The following KPNA1 variants were observed in gnomAD, a reference collection of about 807,000 sequenced individuals.
The protein encoded by KPNA1 is importin subunit alpha-5.
A neutral mutation model predicts 70.5 loss-of-function variants in KPNA1; 10 were observed. That is an observed-to-expected ratio of 0.14 (90% CI 0.09 to 0.24). KPNA1 has a LOEUF of 0.24. Ranked by LOEUF, KPNA1 falls within the 10% of genes least tolerant of loss-of-function variation. The pLI is 1.00. For missense variants in KPNA1, 397 were observed against 637.9 expected, an observed-to-expected ratio of 0.62 and a Z score of 4.07; for synonymous variants, 192 against 221.9, an observed-to-expected ratio of 0.87 and a Z score of 1.20.
rs534086940 is a variant in KPNA1 at position 122,503,929 on chromosome 3, G to A, written c.-5-7359C>T. 9.2e-5 allele frequency among the ~76,000 whole-genome samples: 14 copies of A among 152,274 alleles called. No individual in the cohort carries two copies. The East Asian group carries it at 1.2e-3, about 13-fold the overall frequency. ...GAAACAAACAAACAAAAAACCCAGT[G>A]GCTGCTGGGTGTTTTGGGGGAAGGC... On this transcript the variant is annotated intron_variant, in intron 1 of 13. Transcript: ENST00000344337.
chr3:122,456,055 G>A (rs1052739840), intron 5 of KPNA1, among the ~76,000 whole-genome samples: 15 of 152,050 alleles, frequency 9.9e-5, no homozygotes, highest in Admixed American at 1.3e-4. Flanking sequence ...AATACATTAC[G>A]AAGCCCAGTC....
rs764980993 is a variant in KPNA1, at chr3:122,489,285, G to GT, written c.129+7151dup. ...CTTTTTATACCTTTTTACTTTGTTTGTTTTTTTTTGTTTGTTTTTTTTTTA... is the reference window on the plus strand; with the variant it reads ...CTTTTTATACCTTTTTACTTTGTTTGTTTTTTTTTTGTTTGTTTTTTTTTTA... On this transcript the variant is annotated intron_variant, in intron 2 of 13. Coordinates refer to ENST00000344337, the MANE Select transcript of KPNA1 (RefSeq NM_002264.4). 3.3e-3 allele frequency among the ~76,000 whole-genome samples: 358 copies of GT among 109,524 alleles called. 1 individual carries two copies. Among genetic ancestry groups the GT allele is most frequent in the Non-Finnish European group, 5.1e-3 (235 of 46,386 alleles). 71.9% of individuals were successfully genotyped at this position (109,524 alleles called of 152,430 possible).
intron 2 of KPNA1, among the ~76,000 whole-genome samples, chr3:122,480,125 A>G (rs2076553655): frequency 6.6e-6 from 1 of 152,198 alleles, no homozygotes; most frequent in Non-Finnish European, 1.5e-5. Flanking sequence ...AAAACTATGG[A>G]GACAGTAAAA....
Position 122,424,106 on chromosome 3 carries a change from T to C in KPNA1, c.*2879A>G, listed in dbSNP as rs528019072. 6.6e-6 allele frequency: 1 copy of C among 152,258 alleles called. No individual in the cohort carries two copies. The highest frequency in any genetic ancestry group is 1.9e-4 in the East Asian group (1 of 5,182). The allele number at this position is 152,258 out of a possible 1,614,324, so 9.4% of individuals were successfully genotyped here. Reference sequence around the variant, plus strand: ...ACATCCAAAATTCTCTTAATGCTTTTTTTCCCCCACCAAAGTTCTCATTAC... The same window carrying C: ...ACATCCAAAATTCTCTTAATGCTTTCTTTCCCCCACCAAAGTTCTCATTAC... On this transcript the variant is annotated 3_prime_UTR_variant, in exon 14 of 14. Coordinates refer to ENST00000344337, the MANE Select transcript of KPNA1 (RefSeq NM_002264.4).
chr3:122,502,779 A>G (rs1308800496), intron 1 of KPNA1, among the ~76,000 whole-genome samples: 1 of 152,216 alleles, frequency 6.6e-6, no homozygotes, highest in Admixed American at 6.5e-5. Context: ...GCTATGAAAT[A>G]TCACAATATG....
intron 10 of KPNA1, among the ~76,000 whole-genome samples, chr3:122,441,720 C>A (rs571884504): frequency 1.3e-4 from 20 of 152,224 alleles, no homozygotes; most frequent in African/African-American, 4.8e-4. Context: ...TCTACCTCAG[C>A]CTCCAAGTAG....
chr3:122,457,644 C>T, intron 5 of KPNA1: 2 of 1,166,542 alleles, frequency 1.7e-6, no homozygotes, highest in South Asian at 1.5e-5. Context: ...TGTTTTCTCT[C>T]TTCCCTTTCT....
At chr3:122,457,872 G>A (rs2076280804) in intron 5 of KPNA1, 4 of 1,285,988 alleles carry the variant, frequency 3.1e-6, no homozygotes, top group Non-Finnish European at 4.0e-6. Flanking sequence ...GAAAAGAAAG[G>A]CTCACATCAG....
At chr3:122,492,198 G>C (rs963905737) in intron 2 of KPNA1, among the ~76,000 whole-genome samples, 1 of 152,112 alleles carries the variant, frequency 6.6e-6, no homozygotes, top group African/African-American at 2.4e-5. Context: ...TTCCAATCCT[G>C]CTCTGCAAAA....
chr3:122,427,306 A>T, intron 13 of KPNA1, 134 bp from the exon 14 acceptor site: 1 of 772,788 alleles, frequency 1.3e-6, no homozygotes, highest in Non-Finnish European at 2.0e-6. Flanking sequence ...TTTGTATCTC[A>T]TAAGTATTTT....
chr3:122,441,937 T>C, intron 10 of KPNA1, 101 bp downstream of exon 10: 1 of 931,306 alleles, frequency 1.1e-6, no homozygotes, highest in Non-Finnish European at 1.7e-6. Context: ...GAGTATCAAG[T>C]TTCCCTAATA....
chr3:122,491,505 T>C (rs970866502), intron 2 of KPNA1, among the ~76,000 whole-genome samples: 15 of 152,238 alleles, frequency 9.9e-5, no homozygotes, highest in African/African-American at 3.6e-4. Context: ...AAGGGCAAAC[T>C]GACAAACATG....
chr3:122,484,432 A>T (rs746612375), intron 2 of KPNA1, among the ~76,000 whole-genome samples: 12 of 152,142 alleles, frequency 7.9e-5, no homozygotes, highest in Non-Finnish European at 1.6e-4. Flanking sequence ...AGGCCGAGGC[A>T]GGCAGATCAC....
intron 2 of KPNA1, among the ~76,000 whole-genome samples, chr3:122,493,377 T>C (rs1217773148): frequency 6.7e-6 from 1 of 148,944 alleles, no homozygotes; most frequent in African/African-American, 2.5e-5. Flanking sequence ...ACAGTATGTG[T>C]AGCTCCCAGC....
chr3:122,475,244 A>C lies in KPNA1; in HGVS notation c.130-7815T>G, dbSNP rs1052398024. ...ATCTGAAAAAGAAATTAAGAAAACAATCCCATTTACAATGGCTACAAAAAT... is the reference window on the plus strand; with the variant it reads ...ATCTGAAAAAGAAATTAAGAAAACACTCCCATTTACAATGGCTACAAAAAT... On this transcript the variant is annotated intron_variant, in intron 2 of 13. Transcript: ENST00000344337. Among the ~76,000 whole-genome samples, 6 of 152,330 alleles carry C rather than the reference A, an allele frequency of 3.9e-5. 1 individual carries two copies. The South Asian group carries it at 1.2e-3, about 32-fold the overall frequency.
At position 122,427,129 on chromosome 3, in the gene KPNA1, C is replaced by G; in HGVS notation, c.1473G>C (p.Glu491Asp). 1 of 1,614,094 alleles carries G rather than the reference C, an allele frequency of 6.2e-7. No individual in the cohort carries two copies. The highest frequency in any genetic ancestry group is 8.5e-7 in the Non-Finnish European group (1 of 1,179,970). The change falls in exon 14 of 14, where the codon GAG becomes GAC. Residue 491 changes from glutamate to aspartate, a missense_variant. Transcript: ENST00000344337. ...IEFLQSHENQ[E>D]IYQKAFDLIE... is the part of the protein sequence containing the mutation. The stretch of plus-strand genomic sequence containing the variant: ...TAAGATCAAAGGCCTTTTGGTAGAT[C>G]TCCTGGTTTTCATGACTCTGTAAGA...
At chr3:122,445,515 A>G (rs545954665) in intron 9 of KPNA1, among the ~76,000 whole-genome samples, 1 of 152,338 alleles carries the variant, frequency 6.6e-6, no homozygotes, top group East Asian at 1.9e-4. Context: ...GAGCTCCTGA[A>G]GGAAGCACTA....
intron 12 of KPNA1, among the ~76,000 whole-genome samples, chr3:122,428,611 C>T (rs550589887): frequency 2.8e-4 from 43 of 152,326 alleles, no homozygotes; most frequent in African/African-American, 9.9e-4. Flanking sequence ...TCTATGCTCA[C>T]ACATTTGATC....
chr3:122,434,344 CTT>C (rs931639667), intron 11 of KPNA1, among the ~76,000 whole-genome samples: 3 of 152,176 alleles, frequency 2.0e-5, no homozygotes, highest in Non-Finnish European at 4.4e-5. Flanking sequence ...TCACTTTCCT[CTT>C]TTGTTCTGCC....
Sources: gnomAD v4.1 joint callset for allele counts (sites outside exome capture counted in the v4.1 genomes callset) on GRCh38, gnomAD v4.1.1 for gene constraint, MANE v1.5 for transcripts, NCBI Gene and HGNC (gene_info 2026-07-23, HGNC 2026-07-21) for gene names.